ELF1: variants seen among roughly 807,000 people sequenced by gnomAD.
ELF1 encodes ETS-related transcription factor Elf-1.
Under a neutral mutation model 59.9 loss-of-function variants are expected in ELF1, and 24 were observed. That is an observed-to-expected ratio of 0.40 (90% CI 0.29 to 0.56). The LOEUF (loss-of-function observed/expected upper bound fraction) is 0.56, where lower values mean the gene tolerates loss of function less well. ELF1 is among the 20% of genes least tolerant of loss of function. The pLI is 0.44. For synonymous variants in ELF1, 248 were observed against 266.2 expected (o/e 0.93, Z 0.67); for missense variants, 627 against 742.2 (o/e 0.84, Z 1.80).
intron 8 of ELF1, among the ~76,000 whole-genome samples, chr13:40,937,493 A>G (rs1011138921): frequency 6.6e-5 from 10 of 152,208 alleles, no homozygotes; most frequent in Non-Finnish European, 1.2e-4. Context: ...TTTTTGAGAC[A>G]GAGTCTCACC....
intron 1 of ELF1, among the ~76,000 whole-genome samples, chr13:41,040,503 A>G (rs1024464468): frequency 6.6e-6 from 1 of 151,930 alleles, no homozygotes; most frequent in Non-Finnish European, 1.5e-5. Flanking sequence ...GTGGAAGACA[A>G]TTTTTTCACG....
intron 3 of ELF1, among the ~76,000 whole-genome samples, chr13:40,955,899 C>T (rs1461636109): frequency 2.9e-5 from 3 of 104,976 alleles, no homozygotes; most frequent in South Asian, 6.8e-4. Flanking sequence ...AGGAGGGAGG[C>T]GGGGAGGTCA....
intron 1 of ELF1, among the ~76,000 whole-genome samples, chr13:41,005,700 T>C (rs548706231): frequency 1.3e-5 from 2 of 152,118 alleles, no homozygotes; most frequent in African/African-American, 4.8e-5. Context: ...TACAACCAAA[T>C]AGAACTCTGT....
chr13:40,933,925 T>A lies in ELF1; in HGVS notation c.1360A>T (p.Ser454Cys), dbSNP rs760208850. Residue 454 changes from serine to cysteine, a missense_variant, in exon 9 of 9, where the codon AGC (serine) becomes TGC (cysteine). By Grantham distance (112) the Ser-to-Cys change is moderately radical (BLOSUM62 -1). Coordinates refer to ENST00000239882, the MANE Select transcript of ELF1 (RefSeq NM_172373.4). ...QTVPLTTVIA[S>C]TDPSAGTGSQ... ...CCAGTACCTGCTGATGGATCTGTGC[T>A]GGCTATAACTGTTGTGAGTGGCACT... 3.7e-6 allele frequency: 6 copies of A among 1,614,286 alleles called. No individual in the cohort carries two copies. In the South Asian group the frequency reaches 5.5e-5, roughly 15 times the overall value.
intron 1 of ELF1, among the ~76,000 whole-genome samples, chr13:41,048,233 C>T (rs188011951): frequency 6.6e-6 from 1 of 152,332 alleles, no homozygotes; most frequent in Non-Finnish European, 1.5e-5. Context: ...CCAGGTGAGG[C>T]GATGCCTCGC....
chr13:40,954,499 C>G (rs1871081235), intron 3 of ELF1, among the ~76,000 whole-genome samples: 1 of 151,646 alleles, frequency 6.6e-6, no homozygotes, highest in African/African-American at 2.4e-5. Flanking sequence ...TGATGCCGAG[C>G]CAAAGCTGGA....
At position 40,941,154 on chromosome 13, in the gene ELF1, G is replaced by A. The variant is rs1181799795; in HGVS notation, c.1023C>T (p.Ala341=). The A allele has an allele frequency of 6.2e-7, 1 of 1,614,026 alleles. No homozygotes were observed. The highest frequency in any genetic ancestry group is 8.5e-7 in the Non-Finnish European group (1 of 1,179,908). Residue 341 remains alanine (A), a synonymous_variant, in exon 8 of 9, where the codon GCC becomes GCT. Transcript: ENST00000239882. ...VSSSPGVKGG[A]TTVLKPGNSK... ...AATTCCCTGGTTTTAGAACTGTAGT[G>A]GCTCCTCCTTTTACCCCTGGACTTG...
At chr13:41,027,539 G>C (rs540030188) in intron 1 of ELF1, among the ~76,000 whole-genome samples, 2 of 152,346 alleles carry the variant, frequency 1.3e-5, no homozygotes, top group East Asian at 1.9e-4. Flanking sequence ...TGAGCCCCCA[G>C]TATGGCACCA....
chr13:41,030,852 C>T lies in ELF1; in HGVS notation c.-229+29986G>A, dbSNP rs537344678. ...GGTGGGGGGTGCAGTGGGGAGGTGACGAGACTGTTTAAGAAAAGTTGTATC... is the reference window on the plus strand; with the variant it reads ...GGTGGGGGGTGCAGTGGGGAGGTGATGAGACTGTTTAAGAAAAGTTGTATC... On this transcript the variant is annotated intron_variant, in intron 1 of 1. Coordinates refer to the ELF1 transcript ENST00000405737. Among the ~76,000 whole-genome samples the T allele has an allele frequency of 9.7e-4, 147 of 151,584 alleles. No individual in the cohort carries two copies. In the Middle Eastern group the frequency reaches 0.01, roughly 11 times the overall value.
In ELF1 at chr13:40,932,062, C is replaced by A. The variant is rs1869443206; in HGVS notation, c.*1363G>T. The A allele has an allele frequency of 6.6e-6, 1 of 151,780 alleles. No homozygotes were observed. Among genetic ancestry groups the A allele is most frequent in the Non-Finnish European group, 1.5e-5 (1 of 67,942 alleles). The allele number at this position is 151,780 out of a possible 1,614,324, so 9.4% of individuals were successfully genotyped here. On this transcript the variant is annotated 3_prime_UTR_variant, in exon 9 of 9. Coordinates refer to ENST00000239882, the MANE Select transcript of ELF1 (RefSeq NM_172373.4). ...TTATATGATTTATTTAATAATAAAC[C>A]AATTAAAGATACAAAAATGTTTAGA...
At chr13:41,025,056 T>C (rs1407242838) in intron 1 of ELF1, among the ~76,000 whole-genome samples, 1 of 152,134 alleles carries the variant, frequency 6.6e-6, no homozygotes, top group Non-Finnish European at 1.5e-5. Context: ...AAATAACTGA[T>C]TTCTTAGAGG....
intron 1 of ELF1, among the ~76,000 whole-genome samples, chr13:41,047,048 C>T (rs545702381): frequency 6.6e-6 from 1 of 152,076 alleles, no homozygotes; most frequent in African/African-American, 2.4e-5. Flanking sequence ...TCACTGATAC[C>T]CTTTCTTCCA....
chr13:41,027,046 C>A (rs574667305), intron 1 of ELF1, among the ~76,000 whole-genome samples: 11 of 152,158 alleles, frequency 7.2e-5, no homozygotes, highest in African/African-American at 2.7e-4. Flanking sequence ...TTCCCAGTCA[C>A]GAAATCTTCC....
chr13:41,050,080 A>G (rs760796655), intron 1 of ELF1, among the ~76,000 whole-genome samples: 51 of 152,340 alleles, frequency 3.3e-4, no homozygotes, highest in Non-Finnish European at 6.8e-4. Flanking sequence ...ATACAGTTCA[A>G]TAGTCTTTAG....
chr13:40,950,753 T>C (rs1189111059), intron 4 of ELF1, among the ~76,000 whole-genome samples: 2 of 152,232 alleles, frequency 1.3e-5, no homozygotes, highest in East Asian at 1.9e-4. Context: ...ACTGTAAGCT[T>C]GAGGAAAGGA....
chr13:40,996,850 C>G (rs1044553011), intron 1 of ELF1, among the ~76,000 whole-genome samples: 4 of 152,098 alleles, frequency 2.6e-5, no homozygotes, highest in Non-Finnish European at 5.9e-5. Flanking sequence ...AAACAACAAT[C>G]CAGCAGTTCT....
intron 1 of ELF1, among the ~76,000 whole-genome samples, chr13:41,044,443 T>G (rs150762343): frequency 0.028 from 4,291 of 152,270 alleles, 194 homozygotes; most frequent in East Asian, 0.2. Flanking sequence ...CATAAATAGC[T>G]CTTACTATTT....
At chr13:41,008,935 G>A (rs1874899730) in intron 1 of ELF1, among the ~76,000 whole-genome samples, 2 of 151,166 alleles carry the variant, frequency 1.3e-5, no homozygotes, top group Non-Finnish European at 2.9e-5. Context: ...TTTGTTTTGG[G>A]AAACATATTT....
intron 7 of ELF1, among the ~76,000 whole-genome samples, chr13:40,941,940 C>T (rs547676904): frequency 3.3e-5 from 5 of 152,066 alleles, no homozygotes; most frequent in Admixed American, 6.5e-5. Context: ...ATTATAGAAG[C>T]GAGCCACCAC....
Sources: gnomAD v4.1 joint callset for allele counts (sites outside exome capture counted in the v4.1 genomes callset) on GRCh38, gnomAD v4.1.1 for gene constraint, MANE v1.5 for transcripts, NCBI Gene and HGNC (gene_info 2026-07-23, HGNC 2026-07-21) for gene names.